Variants in CFAP91 observed in about 807,000 individuals in gnomAD.
CFAP91 encodes cilia- and flagella-associated protein 91.
In CFAP91, 85 loss-of-function variants were observed where a neutral mutation model predicts 95.9. That is an observed-to-expected ratio of 0.89 (90% CI 0.74 to 1.06). CFAP91 has a LOEUF of 1.06. Ranked by LOEUF, CFAP91 falls within the 50% of genes least tolerant of loss-of-function variation. The pLI, the probability that CFAP91 is intolerant of heterozygous loss-of-function variation, is 0.00. For synonymous variants in CFAP91, 335 were observed against 327.5 expected (o/e 1.02, Z -0.25); for missense variants, 962 against 943.4 (o/e 1.02, Z -0.26).
At position 119,726,174 on chromosome 3, in the gene CFAP91, G is replaced by A. The variant is rs116290839; in HGVS notation, c.686G>A (p.Arg229Gln). ...GCTGTGCTGCTTTATCCTGCAGGTC[G>A]GGGTCTCCCAGCAGGACAAGCTGAG... is the stretch of plus-strand genomic sequence containing the variant. ...LLTLATLTWGRGLPAGQAEVE... is the reference protein window; with the variant it reads ...LLTLATLTWGQGLPAGQAEVE... The change falls in exon 7 of 18, where the codon CGG (arginine) becomes CAG (glutamine). Residue 229 changes from arginine (R) to glutamine (Q), a missense_variant. Physicochemically the swap from Arg to Gln is conservative, Grantham distance 43. Coordinates refer to ENST00000273390, the MANE Select transcript of CFAP91 (RefSeq NM_033364.4). 0.011 allele frequency: 17,796 copies of A among 1,607,920 alleles called. 128 individuals carry two copies. Among genetic ancestry groups the A allele is most frequent in the Non-Finnish European group, 0.014 (16,121 of 1,177,488 alleles).
At chr3:119,760,812 A>G (rs1261697934) in intron 17 of CFAP91, among the ~76,000 whole-genome samples, 1 of 151,794 alleles carries the variant, frequency 6.6e-6, no homozygotes, top group African/African-American at 2.4e-5. Context: ...GGAAATTAAA[A>G]AAAAAACCTT....
At position 119,703,191 on chromosome 3, in the gene CFAP91, C is replaced by T. The variant is rs998828633; in HGVS notation, c.93C>T (p.Ile31=). 1 of 1,609,108 alleles carries T rather than the reference C, an allele frequency of 6.2e-7. No homozygotes were observed. The highest frequency in any genetic ancestry group is 8.5e-7 in the Non-Finnish European group (1 of 1,178,246). ...AGAGGTCGCGGGCTGGGAGCCACATCTCCTCCAATCGAGCGTATGATTTTC... is the reference window on the plus strand; with the variant it reads ...AGAGGTCGCGGGCTGGGAGCCACATTTCCTCCAATCGAGCGTATGATTTTC... ...YRERSRAGSH[I]SSNRAYDFLY... The change falls in exon 1 of 18, where the codon ATC becomes ATT. Residue 31 remains isoleucine (I), a synonymous_variant. Transcript: ENST00000273390.
rs551956532 is a variant in CFAP91 at position 119,756,061 on chromosome 3, G to A, written c.*1+4963G>A. 5.3e-5 allele frequency among the ~76,000 whole-genome samples: 8 copies of A among 152,196 alleles called. No homozygotes were observed. In the South Asian group the frequency reaches 1.0e-3, roughly 20 times the overall value. ...TATGGAATACGAATTTTCCAAAAACGATAAAAGACTTGTTTTCAAGAAGAC... is the reference window on the plus strand; with the variant it reads ...TATGGAATACGAATTTTCCAAAAACAATAAAAGACTTGTTTTCAAGAAGAC... On this transcript the variant is annotated intron_variant, in intron 17 of 17. Coordinates refer to ENST00000273390, the MANE Select transcript of CFAP91 (RefSeq NM_033364.4).
chr3:119,760,484 C>A (rs2054518924), intron 17 of CFAP91, among the ~76,000 whole-genome samples: 1 of 151,616 alleles, frequency 6.6e-6, no homozygotes. Context: ...AACATCTAGA[C>A]AAAAAATCAA....
At chr3:119,721,601 A>G (rs557847885) in intron 6 of CFAP91, among the ~76,000 whole-genome samples, 107 of 152,288 alleles carry the variant, frequency 7.0e-4, no homozygotes, top group African/African-American at 2.5e-3. Flanking sequence ...GGTATAGCTG[A>G]TAGGCTGGCA....
At chr3:119,734,002 A>C (rs2053952414) in intron 10 of CFAP91, among the ~76,000 whole-genome samples, 1 of 152,256 alleles carries the variant, frequency 6.6e-6, no homozygotes, top group South Asian at 2.1e-4. Flanking sequence ...TAGCTGGACT[A>C]TAGGTGTATA....
chr3:119,703,507 T>C (rs1485728985), intron 1 of CFAP91, among the ~76,000 whole-genome samples: 1 of 152,230 alleles, frequency 6.6e-6, no homozygotes, highest in Non-Finnish European at 1.5e-5. Flanking sequence ...CCAGAAAGTG[T>C]GCAACGATTT....
At chr3:119,752,448 GA>G (rs1258017788) in intron 17 of CFAP91, 3 of 152,176 alleles carry the variant, frequency 2.0e-5, no homozygotes, top group Non-Finnish European at 2.9e-5. Context: ...AATTACAGCA[GA>G]AAAACTTTTG....
rs375617868 is a variant in CFAP91 at position 119,750,973 on chromosome 3, A to G, written c.2180A>G (p.His727Arg). ...NAQRKHILAAHQIIHSYTESM... is the reference protein window; with the variant it reads ...NAQRKHILAARQIIHSYTESM... ...CAGCGGAAACATATTCTTGCAGCCC[A>G]TCAGATCATCCACAGTTACACGGAA... The change falls in exon 17 of 18, where the codon CAT becomes CGT. Residue 727 changes from histidine (H) to arginine (R), a missense_variant. Coordinates refer to ENST00000273390, the MANE Select transcript of CFAP91 (RefSeq NM_033364.4). 3 of 1,614,078 alleles carry G rather than the reference A, an allele frequency of 1.9e-6. No homozygotes were observed. In the African/African-American group the frequency reaches 4.0e-5, roughly 22 times the overall value.
chr3:119,753,080 A>G (rs1253487899), intron 17 of CFAP91, among the ~76,000 whole-genome samples: 1 of 152,220 alleles, frequency 6.6e-6, no homozygotes, highest in African/African-American at 2.4e-5. Flanking sequence ...ATTAGCTTGA[A>G]CAGAGAGCTA....
intron 17 of CFAP91, among the ~76,000 whole-genome samples, chr3:119,758,301 G>T (rs1362668076): frequency 6.6e-6 from 1 of 152,144 alleles, no homozygotes; most frequent in Non-Finnish European, 1.5e-5. Context: ...CTATCCTAAT[G>T]TTGCAAGGCA....
chr3:119,739,648 AT>A (rs2107898351), intron 12 of CFAP91, among the ~76,000 whole-genome samples: 1 of 152,360 alleles, frequency 6.6e-6, no homozygotes, highest in South Asian at 2.1e-4. Context: ...AATTTTGGCT[AT>A]TTAAGCATTA....
chr3:119,761,371 A>T (rs2054534721), intron 17 of CFAP91, among the ~76,000 whole-genome samples: 1 of 151,762 alleles, frequency 6.6e-6, no homozygotes, highest in Non-Finnish European at 1.5e-5. Context: ...TAATGAAAAG[A>T]CTCTCATCAA....
chr3:119,709,969 G>T, intron 5 of CFAP91, 74 bp downstream of exon 5: 3 of 1,164,104 alleles, frequency 2.6e-6, no homozygotes, highest in Admixed American at 3.7e-5. Context: ...TTAGAAGATA[G>T]TTCACTAAAT....
intron 10 of CFAP91, among the ~76,000 whole-genome samples, chr3:119,734,793 T>G (rs1398424178): frequency 6.6e-5 from 10 of 152,216 alleles, no homozygotes; most frequent in Admixed American, 6.5e-4. Context: ...TCTCCTGAAG[T>G]GAACTTGAGA....
chr3:119,733,429 C>T lies in CFAP91; in HGVS notation c.1267C>T (p.Pro423Ser). The change falls in exon 10 of 18, where the codon CCT becomes TCT. Residue 423 changes from proline (P) to serine (S), a missense_variant. Transcript: ENST00000273390. ...VTQPQIRAPK[P>S]KVITTKAGFL... ...ACAACCCCAAATCAGAGCTCCAAAA[C>T]CTAAAGTCATTACCACCAAAGCTGG... is the stretch of plus-strand genomic sequence containing the variant. The T allele has an allele frequency of 6.2e-7, 1 of 1,614,082 alleles. No homozygotes were observed. Among genetic ancestry groups the T allele is most frequent in the Non-Finnish European group, 8.5e-7 (1 of 1,179,974 alleles).
intron 7 of CFAP91, among the ~76,000 whole-genome samples, 195 bp from the exon 8 acceptor site, chr3:119,730,025 T>A (rs1205899126): frequency 6.6e-6 from 1 of 152,190 alleles, no homozygotes; most frequent in Non-Finnish European, 1.5e-5. Context: ...TATATATTCC[T>A]ATTATATAGA....
At chr3:119,753,061 A>G (rs2054355946) in intron 17 of CFAP91, among the ~76,000 whole-genome samples, 1 of 152,194 alleles carries the variant, frequency 6.6e-6, no homozygotes. Context: ...TTAAAAATAC[A>G]TATTTTTAAT....
intron 4 of CFAP91, 108 bp downstream of exon 4, chr3:119,708,782 T>A: frequency 4.6e-6 from 3 of 653,800 alleles, no homozygotes; most frequent in Non-Finnish European, 8.0e-6. Context: ...TGCCAGACTC[T>A]ATTTTAAGTG....
Sources: gnomAD v4.1 joint callset for allele counts (sites outside exome capture counted in the v4.1 genomes callset) on GRCh38, gnomAD v4.1.1 for gene constraint, MANE v1.5 for transcripts, NCBI Gene and HGNC (gene_info 2026-07-23, HGNC 2026-07-21) for gene names.